Variants in NHEJ1 observed in about 807,000 individuals in gnomAD.
NHEJ1 encodes the protein non-homologous end joining factor 1.
Under a neutral mutation model 39.4 loss-of-function variants are expected in NHEJ1, and 22 were observed. The observed-to-expected ratio is 0.56, with a 90% CI of 0.40 to 0.80. The LOEUF (loss-of-function observed/expected upper bound fraction) is 0.80. NHEJ1 is among the 30% of genes least tolerant of loss of function. The pLI is 0.00. For missense variants in NHEJ1, 329 were observed against 357.1 expected, an observed-to-expected ratio of 0.92 and a Z score of 0.63; for synonymous variants, 154 against 135.6, an observed-to-expected ratio of 1.14 and a Z score of -0.94.
chr2:219,147,572 A>C, intron 4 of NHEJ1, 85 bp downstream of exon 4: 1 of 1,556,402 alleles, frequency 6.4e-7, no homozygotes, highest in South Asian at 1.1e-5. Context: ...GCACTTCTCT[A>C]ATGCAAATGA....
intron 7 of NHEJ1, 101 bp from the exon 8 acceptor site, chr2:219,076,556 CCTTT>C (rs1456962177): frequency 2.9e-6 from 2 of 685,258 alleles, no homozygotes; most frequent in Non-Finnish European, 4.8e-6. Flanking sequence ...TAGGATGAGG[CCTTT>C]TTTTTTTTTT....
chr2:219,121,601 A>G (rs1268930917), intron 5 of NHEJ1, among the ~76,000 whole-genome samples: 3 of 151,868 alleles, frequency 2.0e-5, no homozygotes, highest in African/African-American at 7.3e-5. Flanking sequence ...GGCACTTCGG[A>G]AGGCTGAGGC....
chr2:219,158,674 A>G (rs913735505), intron 1 of NHEJ1: 9 of 404,058 alleles, frequency 2.2e-5, no homozygotes, highest in Admixed American at 1.5e-4. Flanking sequence ...TTCTAATACT[A>G]TAACATAACG....
intron 5 of NHEJ1, chr2:219,124,847 G>C (rs1175761887): frequency 6.6e-6 from 1 of 152,096 alleles, no homozygotes; most frequent in African/African-American, 2.4e-5. Flanking sequence ...AGGCAGTGTG[G>C]GGTTGGTGGC....
intron 1 of NHEJ1, chr2:219,158,894 A>G (rs775146021): frequency 1.6e-5 from 3 of 182,540 alleles, no homozygotes; most frequent in Non-Finnish European, 3.5e-5. Flanking sequence ...AAATCCCTAA[A>G]ACAGGTTCTT....
rs1428472425 is a variant in NHEJ1, at chr2:219,109,873, G to A, written c.589-31667C>T. 2.6e-5 allele frequency among the ~76,000 whole-genome samples: 4 copies of A among 152,222 alleles called. No homozygotes were observed. The East Asian group carries it at 5.8e-4, about 22-fold the overall frequency. On this transcript the variant is annotated intron_variant, in intron 5 of 7. Coordinates refer to ENST00000356853, the MANE Select transcript of NHEJ1 (RefSeq NM_024782.3). ...CATACCACAGATTTTCATCAGTAAC[G>A]ACAGTATATTATGCAATAATCCTTA...
chr2:219,125,174 T>C (rs550622310), intron 5 of NHEJ1, among the ~76,000 whole-genome samples: 33 of 148,566 alleles, frequency 2.2e-4, no homozygotes, highest in Middle Eastern at 3.6e-3. Context: ...TAAAAACCCA[T>C]ACACATCATA....
In NHEJ1 at chr2:219,149,005, T is replaced by A. The variant is rs879343440; in HGVS notation, c.391-1210A>T. Reference sequence around the variant, plus strand: ...TTCAAGCGATTCTCCTGCCTCACCCTCCCGAGTAGCTGAGATTACAGGCAT... The same window carrying A: ...TTCAAGCGATTCTCCTGCCTCACCCACCCGAGTAGCTGAGATTACAGGCAT... On this transcript the variant is annotated intron_variant, in intron 3 of 7. Transcript: ENST00000356853. Among the ~76,000 whole-genome samples, 11 of 151,648 alleles carry A rather than the reference T, an allele frequency of 7.3e-5. 1 individual carries two copies. The highest frequency in any genetic ancestry group is 6.6e-4 in the Admixed American group (10 of 15,210).
At chr2:219,155,822 C>A (rs576111061) in intron 3 of NHEJ1, among the ~76,000 whole-genome samples, 1 of 150,852 alleles carries the variant, frequency 6.6e-6, no homozygotes, top group East Asian at 1.9e-4. Flanking sequence ...CTACGGGGGG[C>A]GCTGAGGCAG....
rs1376611240 is a variant in NHEJ1 at position 219,146,646 on chromosome 2, G to A, written c.588+34C>T. The A allele has an allele frequency of 3.2e-6, 5 of 1,550,894 alleles. No individual in the cohort carries two copies. The Admixed American group carries it at 8.3e-5, about 26-fold the overall frequency. On this transcript the variant is annotated intron_variant, in intron 5 of 7. Coordinates refer to ENST00000356853, the MANE Select transcript of NHEJ1 (RefSeq NM_024782.3). ...CAGGCACCTGGAAAGAGGAAGTAGG[G>A]CAAAGACACACAAGAAAATGACAAA...
chr2:219,089,876 G>A (rs1949145895), intron 5 of NHEJ1, among the ~76,000 whole-genome samples: 1 of 152,088 alleles, frequency 6.6e-6, no homozygotes, highest in Non-Finnish European at 1.5e-5. Context: ...AAAAGGCTTG[G>A]ACAACTTTTA....
chr2:219,088,052 G>C lies in NHEJ1; in HGVS notation c.589-9846C>G, dbSNP rs905815802. ...CTCTATATATTCATCATAATGGCTA[G>C]AAGGAAAAAGGATGATAATATCAAG... is the stretch of plus-strand genomic sequence containing the variant. On this transcript the variant is annotated intron_variant, in intron 5 of 7. Transcript: ENST00000356853. 2.0e-5 allele frequency among the ~76,000 whole-genome samples: 3 copies of C among 152,128 alleles called. No homozygotes were observed. In the South Asian group the frequency reaches 6.2e-4, roughly 32 times the overall value.
chr2:219,100,958 C>A (rs1397197392), intron 5 of NHEJ1, among the ~76,000 whole-genome samples: 3 of 152,218 alleles, frequency 2.0e-5, no homozygotes, highest in Admixed American at 2.0e-4. Context: ...TCCAATCCCC[C>A]CCTCAGAGGA....
chr2:219,076,427 T>C lies in NHEJ1; in HGVS notation c.854A>G (p.Gln285Arg). The C allele has an allele frequency of 6.2e-7, 1 of 1,614,074 alleles. No individual in the cohort carries two copies. Among genetic ancestry groups the C allele is most frequent in the Non-Finnish European group, 8.5e-7 (1 of 1,180,000 alleles). ...TGTSGPLQRP[Q>R]LSKVKRKKPR... ...CTTCTTCCTCTTGACCTTTGACAGC[T>C]GAGGTCTCTGCAGAGGGCCTGAAGT... Residue 285 changes from glutamine to arginine, a missense_variant, in exon 8 of 8, where the codon CAG becomes CGG. Transcript: ENST00000356853.
In NHEJ1 at chr2:219,157,782, T is replaced by C. The variant is rs1406604182; in HGVS notation, c.178-98A>G. 63 of 943,370 alleles carry C rather than the reference T, an allele frequency of 6.7e-5. 1 individual carries two copies. The highest frequency in any genetic ancestry group is 2.0e-5 in the Admixed American group (1 of 50,148). 58.4% of individuals were successfully genotyped at this position (943,370 alleles called of 1,614,324 possible). A position where few individuals can be genotyped will look rare whatever the true frequency, so the allele number is the denominator to read the frequency against. The stretch of plus-strand genomic sequence containing the variant: ...AAAGCCCTGGTTAACACGAAGGCAA[T>C]GGACATGAGAGGAAGGGGAGAGAAG... On this transcript the variant is annotated intron_variant, in intron 2 of 7. Coordinates refer to ENST00000356853, the MANE Select transcript of NHEJ1 (RefSeq NM_024782.3).
At chr2:219,084,753 C>T (rs546238124) in intron 5 of NHEJ1, among the ~76,000 whole-genome samples, 1 of 152,142 alleles carries the variant, frequency 6.6e-6, no homozygotes, top group Non-Finnish European at 1.5e-5. Context: ...CCCAAAATAG[C>T]CCCTGCTTCT....
intron 5 of NHEJ1, among the ~76,000 whole-genome samples, chr2:219,103,127 G>A (rs1949280683): frequency 6.7e-6 from 1 of 148,316 alleles, no homozygotes; most frequent in African/African-American, 2.5e-5. Context: ...TTTGCAATGA[G>A]CTGAGATCAC....
intron 5 of NHEJ1, among the ~76,000 whole-genome samples, chr2:219,116,537 T>C (rs978106236): frequency 4.6e-5 from 7 of 152,054 alleles, no homozygotes; most frequent in African/African-American, 1.7e-4. Context: ...TTGTCTTTTT[T>C]TGTAGAGATG....
chr2:219,093,133 C>A (rs1490085503), intron 5 of NHEJ1, among the ~76,000 whole-genome samples: 1 of 152,250 alleles, frequency 6.6e-6, no homozygotes, highest in East Asian at 1.9e-4. Flanking sequence ...TACGTATACT[C>A]TAGATTCTGT....
Sources: allele counts gnomAD v4.1 joint callset (sites outside exome capture counted in the v4.1 genomes callset), GRCh38; gene constraint gnomAD v4.1.1; transcripts MANE v1.5; gene names NCBI Gene and HGNC (gene_info 2026-07-23, HGNC 2026-07-21).